The following DMD variants were observed in gnomAD, a reference collection of about 807,000 sequenced individuals.
DMD encodes the protein dystrophin.
In DMD, 63 loss-of-function variants were observed where a neutral mutation model predicts 330.1. The ratio of observed to expected loss-of-function variants is 0.19; its 90% CI spans 0.16 to 0.24. DMD has a LOEUF of 0.24. Among genes scored for constraint, DMD ranks in the 10% least tolerant of loss-of-function variants. The pLI, the probability that DMD is intolerant of heterozygous loss-of-function variation, is 1.00. For missense variants in DMD, 3,344 were observed against 2,684.1 expected, an observed-to-expected ratio of 1.25 and a Z score of -5.43; for synonymous variants, 1,223 against 959.8, an observed-to-expected ratio of 1.27 and a Z score of -5.07.
At chrX:33,144,712 A>C (rs2047946533) in intron 1 of DMD, among the ~76,000 whole-genome samples, 1 of 111,597 alleles carries the variant, frequency 9.0e-6, no homozygotes, top group Non-Finnish European at 1.9e-5. Context: ...GTTTTCACAG[A>C]GAGCAAAAGG....
intron 43 of DMD, among the ~76,000 whole-genome samples, chrX:32,237,216 T>C (rs978350093): frequency 3.6e-5 from 4 of 111,894 alleles, no homozygotes; most frequent in Non-Finnish European, 5.6e-5. Context: ...ACCATTTTTA[T>C]GTTTATGTAC....
rs10652780 is a variant in DMD at position 32,292,302 on chromosome X, C to CTTTTTTTT, written c.6118-4609_6118-4602dup. ...AACAAATATCAACAAAGGGAATATTCTTTTTTTTTTTTTTTTGAGATGGAG... is the reference window on the plus strand; with the variant it reads ...AACAAATATCAACAAAGGGAATATTCTTTTTTTTTTTTTTTTTTTTTTTTGAGATGGAG... On this transcript the variant is annotated intron_variant, in intron 42 of 78. Transcript: ENST00000357033. 3.0e-4 allele frequency among the ~76,000 whole-genome samples: 19 copies of CTTTTTTTT among 62,909 alleles called. 2 individuals carry two copies. In the South Asian group the frequency reaches 4.3e-3, roughly 14 times the overall value. 54.6% of individuals were successfully genotyped at this position (62,909 alleles called of 115,157 possible). A position where few individuals can be genotyped will look rare whatever the true frequency, so the allele number is the denominator to read the frequency against.
chrX:32,408,641 G>A (rs750558278), intron 30 of DMD, among the ~76,000 whole-genome samples: 1 of 111,464 alleles, frequency 9.0e-6, no homozygotes, highest in Non-Finnish European at 1.9e-5. Context: ...AATCTGAGCA[G>A]GTATTTCAAA....
At chrX:31,379,706 G>C (rs143879718) in intron 60 of DMD, among the ~76,000 whole-genome samples, 1,313 of 112,062 alleles carry the variant, frequency 0.012, 15 homozygotes, top group African/African-American at 0.038. Context: ...CTCCAGCACA[G>C]AAGAACTCCA....
At chrX:31,838,412 A>G (rs2093251094) in intron 48 of DMD, among the ~76,000 whole-genome samples, 1 of 112,261 alleles carries the variant, frequency 8.9e-6, no homozygotes, top group African/African-American at 3.2e-5. Flanking sequence ...ATAAATTACC[A>G]GGCCAAATAT....
At chrX:32,755,993 C>T (rs1031327260) in intron 7 of DMD, among the ~76,000 whole-genome samples, 1 of 112,680 alleles carries the variant, frequency 8.9e-6, no homozygotes, top group South Asian at 3.6e-4. Context: ...ACCTGTCATT[C>T]AGTTGCAGTA....
intron 29 of DMD, among the ~76,000 whole-genome samples, chrX:32,428,010 T>C (rs1159642077): frequency 9.0e-6 from 1 of 111,687 alleles, no homozygotes; most frequent in Non-Finnish European, 1.9e-5. Flanking sequence ...TTGATTTGTC[T>C]AATTAAAACA....
At chrX:32,630,466 ATC>A (rs1217589980) in intron 11 of DMD, among the ~76,000 whole-genome samples, 1 of 107,196 alleles carries the variant, frequency 9.3e-6, no homozygotes, top group African/African-American at 3.4e-5. Context: ...TTGAATTTTA[ATC>A]TCTCTCTCTA....
intron 30 of DMD, among the ~76,000 whole-genome samples, chrX:32,410,016 A>G (rs1414089024): frequency 9.0e-6 from 1 of 111,683 alleles, no homozygotes; most frequent in South Asian, 3.7e-4. Flanking sequence ...AACCTTTTTC[A>G]TTATGACTCA....
chrX:31,340,298 G>A (rs1262700506), intron 61 of DMD, among the ~76,000 whole-genome samples: 3 of 112,541 alleles, frequency 2.7e-5, no homozygotes, highest in Non-Finnish European at 5.6e-5. Flanking sequence ...TTTAAATTCA[G>A]AATAAATAGT....
intron 47 of DMD, among the ~76,000 whole-genome samples, chrX:31,906,421 T>C (rs889053779): frequency 3.6e-5 from 4 of 112,139 alleles, no homozygotes; most frequent in Non-Finnish European, 7.5e-5. Flanking sequence ...CTGAAACATA[T>C]TTTTCCTAAT....
chrX:33,272,126 C>T lies in DMD; in HGVS notation c.7+67133G>A, dbSNP rs761681986. On this transcript the variant is annotated intron_variant, in intron 1 of 17. Coordinates refer to the DMD transcript ENST00000288447. ...CTCAAACTCCTGACCTCAGGTGATCCGCCTGCCTCAGTCTCCCAAAGTGCT... is the reference window on the plus strand; with the variant it reads ...CTCAAACTCCTGACCTCAGGTGATCTGCCTGCCTCAGTCTCCCAAAGTGCT... Among the ~76,000 whole-genome samples the T allele has an allele frequency of 2.5e-4, 28 of 112,030 alleles. 1 individual carries two copies. The South Asian group carries it at 8.1e-3, about 32-fold the overall frequency.
Position 32,928,394 on chromosome X carries a change from T to C in DMD, c.94-78574A>G, listed in dbSNP as rs1331294334. On this transcript the variant is annotated intron_variant, in intron 2 of 78. Coordinates refer to ENST00000357033, the MANE Select transcript of DMD (RefSeq NM_004006.3). ...TTGCTAGTAAGAAAGCTGTTGTTTA[T>C]ATTTTTCCCCTTGTCTTTTGGTGTA... Among the ~76,000 whole-genome samples, 18 of 110,992 alleles carry C rather than the reference T, an allele frequency of 1.6e-4. No individual in the cohort carries two copies. In the Admixed American group the frequency reaches 1.7e-3, roughly 11 times the overall value.
intron 44 of DMD, among the ~76,000 whole-genome samples, chrX:32,023,251 G>A (rs2095820553): frequency 1.8e-5 from 2 of 111,475 alleles, no homozygotes; most frequent in South Asian, 7.5e-4. Flanking sequence ...AGGATTCCTA[G>A]GAGCATTAAA....
chrX:32,533,228 A>G lies in DMD; in HGVS notation c.2168+11931T>C, dbSNP rs192988914. Among the ~76,000 whole-genome samples the G allele has an allele frequency of 9.9e-5, 11 of 111,191 alleles. No homozygotes were observed. The Admixed American group carries it at 1.1e-3, about 11-fold the overall frequency. On this transcript the variant is annotated intron_variant, in intron 17 of 78. Coordinates refer to ENST00000357033, the MANE Select transcript of DMD (RefSeq NM_004006.3). The stretch of plus-strand genomic sequence containing the variant: ...TATTTCTCTCTCTCAAAAATATGCA[A>G]TGGCTCCCCATGACCAGAAGGTTTA...
intron 4 of DMD, among the ~76,000 whole-genome samples, chrX:32,829,489 T>A: frequency 8.9e-6 from 1 of 111,800 alleles, no homozygotes; most frequent in Non-Finnish European, 1.9e-5. Flanking sequence ...CTCGTCTAGT[T>A]TTTATTCTAA....
intron 7 of DMD, among the ~76,000 whole-genome samples, chrX:32,757,006 C>T (rs1276239210): frequency 9.0e-6 from 1 of 111,540 alleles, no homozygotes; most frequent in East Asian, 2.8e-4. Flanking sequence ...CCCTACAATT[C>T]AGGGTTTAAC....
intron 44 of DMD, among the ~76,000 whole-genome samples, chrX:32,140,864 G>C (rs369359424): frequency 8.1e-5 from 9 of 111,161 alleles, no homozygotes; most frequent in African/African-American, 2.6e-4. Context: ...GGAATTATGG[G>C]AGTAGAATTC....
At chrX:32,978,358 A>C (rs936481587) in intron 2 of DMD, among the ~76,000 whole-genome samples, 1 of 112,407 alleles carries the variant, frequency 8.9e-6, no homozygotes, top group Non-Finnish European at 1.9e-5. Flanking sequence ...ATTTATATTA[A>C]ATATTTTCCA....
Sources: gnomAD v4.1 joint callset for allele counts (sites outside exome capture counted in the v4.1 genomes callset) on GRCh38, gnomAD v4.1.1 for gene constraint, MANE v1.5 for transcripts, NCBI Gene and HGNC (gene_info 2026-07-23, HGNC 2026-07-21) for gene names.